ALKBH8: variants seen among roughly 807,000 people sequenced by gnomAD.
The protein encoded by ALKBH8 is alkB homolog 8, tRNA methyltransferase.
In ALKBH8, 36 loss-of-function variants were observed where a neutral mutation model predicts 59.8. The observed-to-expected ratio is 0.60, with a 90% confidence interval of 0.46 to 0.79. The LOEUF is 0.79. Ranked by LOEUF, ALKBH8 falls within the 30% of genes least tolerant of loss-of-function variation. The pLI is 0.00. For synonymous variants in ALKBH8, 276 were observed against 273.6 expected (o/e 1.01, Z -0.09); for missense variants, 768 against 801.0 (o/e 0.96, Z 0.50).
chr11:107,555,264 A>C (rs1411233301), intron 3 of ALKBH8, among the ~76,000 whole-genome samples: 1 of 152,192 alleles, frequency 6.6e-6, no homozygotes, highest in Non-Finnish European at 1.5e-5. Flanking sequence ...TGTCTCAAAA[A>C]AAAATAAAAA....
At chr11:107,511,113 C>T in intron 10 of ALKBH8, 77 bp from the exon 11 acceptor site, 5 of 1,433,894 alleles carry the variant, frequency 3.5e-6, no homozygotes, top group Non-Finnish European at 4.8e-6. Flanking sequence ...TATTCCATAC[C>T]TTAAAGTCAT....
At chr11:107,522,616 T>G in intron 9 of ALKBH8, 61 bp from the exon 10 acceptor site, 1 of 1,467,908 alleles carries the variant, frequency 6.8e-7, no homozygotes, top group Non-Finnish European at 9.0e-7. Context: ...AGGTATCAAG[T>G]TTTCTTAAAT....
At chr11:107,549,542 C>T (rs1220766412) in intron 7 of ALKBH8, among the ~76,000 whole-genome samples, 1 of 152,096 alleles carries the variant, frequency 6.6e-6, no homozygotes, top group East Asian at 1.9e-4. Flanking sequence ...AATTAAATTT[C>T]AAGTTGTTTT....
At chr11:107,513,505 A>C (rs1862725779) in intron 10 of ALKBH8, among the ~76,000 whole-genome samples, 1 of 152,246 alleles carries the variant, frequency 6.6e-6, no homozygotes, top group African/African-American at 2.4e-5. Flanking sequence ...AACTTAAAAG[A>C]GAATTACCAT....
Position 107,505,079 on chromosome 11 carries a change from T to G in ALKBH8, c.1574A>C (p.Gln525Pro), listed in dbSNP as rs1862323032. The change falls in exon 12 of 12, where the codon CAA becomes CCA. Residue 525 changes from glutamine (Q) to proline (P), a missense_variant. By Grantham distance (76) the Gln-to-Pro change is moderately conservative. Coordinates refer to ENST00000428149, the MANE Select transcript of ALKBH8 (RefSeq NM_138775.3). The stretch of plus-strand genomic sequence containing the variant: ...ACTGTTCATCTCCTCTTTCTTTCCT[T>G]GGCTATTTCTGTTTCCTCTAAGATA... ...SKYLRGNRNS[Q>P]GKKEEMNSDT... 1.9e-6 allele frequency: 3 copies of G among 1,551,648 alleles called. No individual in the cohort carries two copies. Among genetic ancestry groups the G allele is most frequent in the Non-Finnish European group, 1.7e-6 (2 of 1,146,976 alleles).
intron 8 of ALKBH8, 69 bp downstream of exon 8, chr11:107,532,231 C>T (rs896376609): frequency 1.4e-5 from 18 of 1,317,428 alleles, no homozygotes; most frequent in African/African-American, 4.4e-5. Context: ...GCATGGTCCC[C>T]GTGGCTCAAA....
At chr11:107,561,421 G>A (rs1864934171) in intron 1 of ALKBH8, among the ~76,000 whole-genome samples, 1 of 151,890 alleles carries the variant, frequency 6.6e-6, no homozygotes, top group African/African-American at 2.4e-5. Context: ...ACAAAATTCA[G>A]GAGAGAGGCT....
Position 107,553,873 on chromosome 11 carries a change from C to G in ALKBH8, c.473G>C (p.Trp158Ser), listed in dbSNP as rs1191966760. Reference sequence around the variant, plus strand: ...GTTTTGATTGTCTGTATCTTCTGTCCAATCAACACTTTCCAAAAGCATTTT... The same window carrying G: ...GTTTTGATTGTCTGTATCTTCTGTCGAATCAACACTTTCCAAAAGCATTTT... ...EEKMLLESVD[W>S]TEDTDNQNSQ... The change falls in exon 4 of 12, where the codon TGG (tryptophan) becomes TCG (serine). Residue 158 changes from tryptophan to serine, a missense_variant. Physicochemically the swap from Trp to Ser is radical, Grantham distance 177. Coordinates refer to ENST00000428149, the MANE Select transcript of ALKBH8 (RefSeq NM_138775.3). The G allele has an allele frequency of 6.2e-7, 1 of 1,613,366 alleles. No homozygotes were observed. Among genetic ancestry groups the G allele is most frequent in the Admixed American group, 1.7e-5 (1 of 59,956 alleles).
rs1204559948 is a variant in ALKBH8 at position 107,560,669 on chromosome 11, C to G, written c.129+96G>C. On this transcript the variant is annotated intron_variant, in intron 2 of 11. Transcript: ENST00000428149. ...AATATGGATGTAACACATGACTGAA[C>G]AATTACAGCCTTAGGCAATTATTAG... is the stretch of plus-strand genomic sequence containing the variant. The G allele has an allele frequency of 9.9e-6, 12 of 1,213,954 alleles. No homozygotes were observed. In the Admixed American group the frequency reaches 3.1e-4, roughly 31 times the overall value. The allele number at this position is 1,213,954 out of a possible 1,614,324, so 75.2% of individuals were successfully genotyped here.
rs1034709958 is a variant in ALKBH8, at chr11:107,504,164, G to A, written c.*494C>T. On this transcript the variant is annotated 3_prime_UTR_variant, in exon 12 of 12. Coordinates refer to ENST00000428149, the MANE Select transcript of ALKBH8 (RefSeq NM_138775.3). ...ATTGACTAAACGTTATTGGACACCC[G>A]CTATACGTCCAGCCCTGGGCTAGTC... is the stretch of plus-strand genomic sequence containing the variant. 1.7e-5 allele frequency: 4 copies of A among 233,982 alleles called. No individual in the cohort carries two copies. The highest frequency in any genetic ancestry group is 5.4e-5 in the Admixed American group (1 of 18,594). 14.5% of individuals were successfully genotyped at this position (233,982 alleles called of 1,614,324 possible).
intron 3 of ALKBH8, among the ~76,000 whole-genome samples, chr11:107,554,988 G>A (rs613055): frequency 0.46 from 70,279 of 152,066 alleles, 17,410 homozygotes; most frequent in Non-Finnish European, 0.56. Context: ...GGCTGGGTGC[G>A]GTGGCTCACA....
Position 107,504,394 on chromosome 11 carries a change from T to C in ALKBH8, c.*264A>G. The C allele has an allele frequency of 5.0e-6, 3 of 597,624 alleles. No individual in the cohort carries two copies. Among genetic ancestry groups the C allele is most frequent in the Middle Eastern group, 8.7e-4 (2 of 2,286 alleles). The allele number at this position is 597,624 out of a possible 1,614,324, so 37.0% of individuals were successfully genotyped here. A position where few individuals can be genotyped will look rare whatever the true frequency, so the allele number is the denominator to read the frequency against. ...AAATCCTGGGCTCTTACCCAAGAATTACAAACACTGCACAAACTGCTTCAA... is the reference window on the plus strand; with the variant it reads ...AAATCCTGGGCTCTTACCCAAGAATCACAAACACTGCACAAACTGCTTCAA... On this transcript the variant is annotated 3_prime_UTR_variant, in exon 12 of 12. Transcript: ENST00000428149.
chr11:107,546,170 A>C (rs1006172274), intron 7 of ALKBH8, among the ~76,000 whole-genome samples: 2 of 152,176 alleles, frequency 1.3e-5, no homozygotes, highest in Non-Finnish European at 2.9e-5. Flanking sequence ...GATAAGTCCT[A>C]ATCAAAAGTT....
chr11:107,533,972 T>C (rs1391834444), intron 7 of ALKBH8, among the ~76,000 whole-genome samples: 1 of 151,870 alleles, frequency 6.6e-6, no homozygotes, highest in Non-Finnish European at 1.5e-5. Flanking sequence ...CTACTACAAA[T>C]ACAAAACATT....
intron 2 of ALKBH8, among the ~76,000 whole-genome samples, chr11:107,560,020 A>G (rs1209095189): frequency 2.0e-5 from 3 of 152,316 alleles, no homozygotes; most frequent in East Asian, 3.9e-4. Flanking sequence ...TTTAATGTCC[A>G]GTAAGTACAA....
At chr11:107,560,495 T>G (rs1337835426) in intron 2 of ALKBH8, among the ~76,000 whole-genome samples, 1 of 152,122 alleles carries the variant, frequency 6.6e-6, no homozygotes, top group South Asian at 2.1e-4. Context: ...TGAATATAAG[T>G]ATGCTTAGGA....
chr11:107,525,053 A>G (rs1863292722), intron 9 of ALKBH8, among the ~76,000 whole-genome samples: 1 of 152,184 alleles, frequency 6.6e-6, no homozygotes, highest in African/African-American at 2.4e-5. Flanking sequence ...GTCATCTCCA[A>G]CTTCCCTGTT....
At chr11:107,541,766 G>T (rs548114003) in intron 7 of ALKBH8, among the ~76,000 whole-genome samples, 155 of 152,192 alleles carry the variant, frequency 1.0e-3, no homozygotes, top group African/African-American at 3.6e-3. Context: ...TAGCCTAGCA[G>T]GGGAAACAGA....
chr11:107,556,358 T>A (rs1460654991), intron 3 of ALKBH8, among the ~76,000 whole-genome samples: 2 of 152,222 alleles, frequency 1.3e-5, no homozygotes, highest in Non-Finnish European at 2.9e-5. Flanking sequence ...GCTATAAATA[T>A]GAAGATTGGT....
Sources: allele counts gnomAD v4.1 joint callset (sites outside exome capture counted in the v4.1 genomes callset), GRCh38; gene constraint gnomAD v4.1.1; transcripts MANE v1.5; gene names NCBI Gene and HGNC (gene_info 2026-07-23, HGNC 2026-07-21).